Variants in ANGPT1 observed in about 807,000 individuals in gnomAD.
ANGPT1 encodes the protein angiopoietin 1.
In ANGPT1, 17 loss-of-function variants were observed where a neutral mutation model predicts 62.2. The ratio of observed to expected loss-of-function variants is 0.27; its 90% confidence interval spans 0.19 to 0.41. The LOEUF is 0.41. ANGPT1 is among the 10% of genes least tolerant of loss of function. ANGPT1 has a pLI of 1.00. For missense variants in ANGPT1, 478 were observed against 594.9 expected (o/e 0.80, Z 2.04); for synonymous variants, 199 against 198.9 (o/e 1.00, Z 0.00).
At chr8:107,471,828 A>G (rs1263525579) in intron 1 of ANGPT1, among the ~76,000 whole-genome samples, 1 of 152,106 alleles carries the variant, frequency 6.6e-6, no homozygotes, top group African/African-American at 2.4e-5. Context: ...ATTGCATACC[A>G]CAACCATACT....
chr8:107,258,292 C>CTATGGCAAATTATCTAACTTTTCTGTA (rs1164302039), intron 8 of ANGPT1, among the ~76,000 whole-genome samples: 2 of 152,186 alleles, frequency 1.3e-5, no homozygotes, highest in East Asian at 3.9e-4. Flanking sequence ...ATTCTGTGAC[C>CTATGGCAAATTATCTAACTTTTCTGTA]TATGGCAAAT....
intron 1 of ANGPT1, among the ~76,000 whole-genome samples, chr8:107,473,665 A>C (rs1812424872): frequency 6.6e-6 from 1 of 152,088 alleles, no homozygotes; most frequent in South Asian, 2.1e-4. Flanking sequence ...GAATAAAATC[A>C]TGCCTTTAGG....
At chr8:107,369,335 T>G (rs1816334836) in intron 1 of ANGPT1, among the ~76,000 whole-genome samples, 1 of 152,210 alleles carries the variant, frequency 6.6e-6, no homozygotes, top group African/African-American at 2.4e-5. Context: ...CGCCTTGCTC[T>G]GGACTAGGTT....
chr8:107,477,067 C>T (rs1272245907), intron 1 of ANGPT1, among the ~76,000 whole-genome samples: 1 of 152,150 alleles, frequency 6.6e-6, no homozygotes, highest in Non-Finnish European at 1.5e-5. Flanking sequence ...CGTTGTTTCA[C>T]TACTACTACT....
chr8:107,419,927 A>G (rs1383545686), intron 1 of ANGPT1, among the ~76,000 whole-genome samples: 1 of 152,170 alleles, frequency 6.6e-6, no homozygotes, highest in Non-Finnish European at 1.5e-5. Context: ...AATGCTTTAC[A>G]TTCGTGACTT....
intron 1 of ANGPT1, among the ~76,000 whole-genome samples, chr8:107,483,683 T>G (rs1812744451): frequency 6.6e-6 from 1 of 152,160 alleles, no homozygotes; most frequent in Non-Finnish European, 1.5e-5. Flanking sequence ...GTTAAATGAT[T>G]CTCCTCTATT....
intron 1 of ANGPT1, among the ~76,000 whole-genome samples, chr8:107,482,300 T>G (rs1031737427): frequency 7.2e-5 from 11 of 152,224 alleles, no homozygotes; most frequent in Non-Finnish European, 1.0e-4. Flanking sequence ...GGGTTGTTTC[T>G]ACTCCATGAT....
Position 107,336,682 on chromosome 8 carries a change from A to C in ANGPT1, c.454-411T>G, listed in dbSNP as rs951834047. Among the ~76,000 whole-genome samples the C allele has an allele frequency of 2.7e-3, 412 of 151,694 alleles. 3 individuals carry two copies. Among genetic ancestry groups the C allele is most frequent in the African/African-American group, 9.6e-3 (395 of 41,292 alleles). On this transcript the variant is annotated intron_variant, in intron 2 of 8. Transcript: ENST00000517746. Reference sequence around the variant, plus strand: ...TCTGTCTCAAAAAAAAAAAAAAAAAAAAAAAAGGTTTACATTCTACTTATA... The same window carrying C: ...TCTGTCTCAAAAAAAAAAAAAAAAACAAAAAAGGTTTACATTCTACTTATA...
chr8:107,313,429 G>GTTTTTTTTT lies in ANGPT1; in HGVS notation c.808+8458_808+8466dup, dbSNP rs71308720. Reference sequence around the variant, plus strand: ...TAGGAAGCTAAAAATGTTACTAGTTGTTTTTTTTTTTTTTTTTTTTTTTTT... The same window carrying GTTTTTTTTT: ...TAGGAAGCTAAAAATGTTACTAGTTGTTTTTTTTTTTTTTTTTTTTTTTTTTTTTTTTTT... On this transcript the variant is annotated intron_variant, in intron 4 of 8. Coordinates refer to ENST00000517746, the MANE Select transcript of ANGPT1 (RefSeq NM_001146.5). Among the ~76,000 whole-genome samples, 54 of 64,198 alleles carry GTTTTTTTTT rather than the reference G, an allele frequency of 8.4e-4. 9 individuals carry two copies. The highest frequency in any genetic ancestry group is 0.034 in the Middle Eastern group (2 of 58). 42.1% of individuals were successfully genotyped at this position (64,198 alleles called of 152,430 possible).
At chr8:107,442,005 A>G (rs1296405606) in intron 1 of ANGPT1, among the ~76,000 whole-genome samples, 2 of 151,736 alleles carry the variant, frequency 1.3e-5, no homozygotes, top group Non-Finnish European at 2.9e-5. Flanking sequence ...AATCGGTTGA[A>G]CTCGGGAGGT....
At chr8:107,419,416 A>G (rs1810839703) in intron 1 of ANGPT1, among the ~76,000 whole-genome samples, 1 of 152,152 alleles carries the variant, frequency 6.6e-6, no homozygotes, top group Non-Finnish European at 1.5e-5. Context: ...AATCTGCATA[A>G]ACAGGTTTTG....
At chr8:107,300,393 T>C (rs1814558929) in intron 5 of ANGPT1, among the ~76,000 whole-genome samples, 1 of 151,624 alleles carries the variant, frequency 6.6e-6, no homozygotes, top group Non-Finnish European at 1.5e-5. Context: ...CCATCTTTAT[T>C]ATAGAACAAT....
chr8:107,413,196 T>C (rs1810636623), intron 1 of ANGPT1, among the ~76,000 whole-genome samples: 1 of 152,194 alleles, frequency 6.6e-6, no homozygotes, highest in Admixed American at 6.5e-5. Flanking sequence ...CACTTTAAGT[T>C]GCAAATATAT....
chr8:107,497,623 A>C lies in ANGPT1; in HGVS notation c.-65T>G. 1 of 1,490,142 alleles carries C rather than the reference A, an allele frequency of 6.7e-7. No individual in the cohort carries two copies. The allele number at this position is 1,490,142 out of a possible 1,614,324, so 92.3% of individuals were successfully genotyped here. ...TTGCTCCTTTCTTCTGACCTCTAAA[A>C]CTAGTTCTTTATTTCAGGTAAAACT... On this transcript the variant is annotated 5_prime_UTR_variant, in exon 1 of 9. Coordinates refer to ENST00000517746, the MANE Select transcript of ANGPT1 (RefSeq NM_001146.5).
chr8:107,293,543 A>T (rs1003022396), intron 6 of ANGPT1, among the ~76,000 whole-genome samples: 1 of 152,112 alleles, frequency 6.6e-6, no homozygotes, highest in Admixed American at 6.6e-5. Flanking sequence ...AGCCAGCAAC[A>T]ATTAGCCAGT....
chr8:107,376,729 A>G (rs1355903492), intron 1 of ANGPT1, among the ~76,000 whole-genome samples: 3 of 152,148 alleles, frequency 2.0e-5, no homozygotes, highest in South Asian at 2.1e-4. Flanking sequence ...AAATAAGAAA[A>G]TCTGAGGATA....
rs534093191 is a variant in ANGPT1, at chr8:107,252,884, G to T, written c.1337-869C>A. The stretch of plus-strand genomic sequence containing the variant: ...ACTGAATCTTTAGGGAGAGATTTAT[G>T]CCAGAGACATTCTGGCATATTTTTT... On this transcript the variant is annotated intron_variant, in intron 8 of 8. Coordinates refer to ENST00000517746, the MANE Select transcript of ANGPT1 (RefSeq NM_001146.5). Among the ~76,000 whole-genome samples, 3 of 152,202 alleles carry T rather than the reference G, an allele frequency of 2.0e-5. No homozygotes were observed. In the East Asian group the frequency reaches 5.8e-4, roughly 29 times the overall value.
chr8:107,448,754 G>A (rs545572878), intron 1 of ANGPT1, among the ~76,000 whole-genome samples: 15 of 152,158 alleles, frequency 9.9e-5, no homozygotes, highest in African/African-American at 2.4e-4. Flanking sequence ...CAAAAAGAAC[G>A]TCTTTAGATA....
rs752791780 is a variant in ANGPT1 at position 107,447,367 on chromosome 8, C to T, written c.297+49895G>A. Reference sequence around the variant, plus strand: ...ATTCCCTCTATGGTACAGAATTATGCACTCATGCCTTCTGCCATGTGAATT... The same window carrying T: ...ATTCCCTCTATGGTACAGAATTATGTACTCATGCCTTCTGCCATGTGAATT... On this transcript the variant is annotated intron_variant, in intron 1 of 8. Coordinates refer to ENST00000517746, the MANE Select transcript of ANGPT1 (RefSeq NM_001146.5). Among the ~76,000 whole-genome samples the T allele has an allele frequency of 9.2e-5, 14 of 152,298 alleles. No individual in the cohort carries two copies. The South Asian group carries it at 2.3e-3, about 25-fold the overall frequency.
Sources: gnomAD v4.1 joint callset for allele counts (sites outside exome capture counted in the v4.1 genomes callset) on GRCh38, gnomAD v4.1.1 for gene constraint, MANE v1.5 for transcripts, NCBI Gene and HGNC (gene_info 2026-07-23, HGNC 2026-07-21) for gene names.